Variants in GCNT1 observed in about 807,000 individuals in gnomAD.
GCNT1 encodes the protein beta-1,3-galactosyl-O-glycosyl-glycoprotein beta-1,6-N-acetylglucosaminyltransferase.
GCNT1 carries 16 observed loss-of-function variants against 26.2 expected under a neutral mutation model. That is an observed-to-expected ratio of 0.61 (90% CI 0.41 to 0.93). GCNT1 has a LOEUF of 0.93. Ranked by LOEUF, GCNT1 falls within the 40% of genes least tolerant of loss-of-function variation. GCNT1 has a pLI of 0.00. For synonymous variants in GCNT1, 183 were observed against 190.8 expected (o/e 0.96, Z 0.34); for missense variants, 477 against 526.7 (o/e 0.91, Z 0.92).
In GCNT1 at chr9:76,500,241, T is replaced by C. The variant is rs188934288; in HGVS notation, c.-289-675T>C. 2.8e-3 allele frequency among the ~76,000 whole-genome samples: 428 copies of C among 152,332 alleles called. 3 individuals are homozygous for C. In the Middle Eastern group the frequency reaches 0.031, roughly 11 times the overall value. ...GGGTTTGTTGTTTTTGTTATTTGTT[T>C]AGTGGCTTTCCTGGACCAGTTGTCT... On this transcript the variant is annotated intron_variant, in intron 2 of 3. Transcript: ENST00000376730.
intron 2 of GCNT1, among the ~76,000 whole-genome samples, chr9:76,472,211 AG>A (rs1358810598): frequency 6.6e-6 from 1 of 152,194 alleles, no homozygotes; most frequent in Non-Finnish European, 1.5e-5. Flanking sequence ...CGAACCCGGG[AG>A]GCGGAGGATG....
Position 76,503,215 on chromosome 9 carries a change from C to T in GCNT1, c.834C>T (p.Leu278=), listed in dbSNP as rs375124342. The change falls in exon 4 of 4, where the codon CTC becomes CTT. Residue 278 remains leucine (L), a synonymous_variant. Coordinates refer to ENST00000376730, the MANE Select transcript of GCNT1 (RefSeq NM_001490.5). The part of the protein sequence containing the change: ...NTGTVKMLPP[L]ETPLFSGSAY... ...GGACTGTCAAAATGCTTCCTCCACT[C>T]GAAACACCTCTCTTTTCTGGCAGTG... is the stretch of plus-strand genomic sequence containing the variant. 4.4e-5 allele frequency: 71 copies of T among 1,614,052 alleles called. No homozygotes were observed. In the East Asian group the frequency reaches 5.1e-4, roughly 12 times the overall value.
At chr9:76,446,331 G>A (rs544038171) in intron 1 of GCNT1, among the ~76,000 whole-genome samples, 1 of 152,278 alleles carries the variant, frequency 6.6e-6, no homozygotes, top group Admixed American at 6.5e-5. Context: ...AAGCTGATGG[G>A]AGCCAGCACA....
At chr9:76,461,783 G>A (rs1421385411) in intron 2 of GCNT1, among the ~76,000 whole-genome samples, 1 of 152,056 alleles carries the variant, frequency 6.6e-6, no homozygotes, top group Non-Finnish European at 1.5e-5. Context: ...TAGCTACTCA[G>A]GAGGCTGAGG....
chr9:76,441,239 G>A (rs368522413), upstream of GCNT1, among the ~76,000 whole-genome samples: 2 of 151,912 alleles, frequency 1.3e-5, no homozygotes, highest in African/African-American at 2.4e-5. Flanking sequence ...TCCGCCTCCC[G>A]GCCTCAAGCA....
chr9:76,456,778 G>T (rs1823764050), upstream of GCNT1, among the ~76,000 whole-genome samples: 1 of 152,148 alleles, frequency 6.6e-6, no homozygotes, highest in Non-Finnish European at 1.5e-5. Flanking sequence ...TTCAAACCCA[G>T]CCTGGGCAAC....
At chr9:76,428,586 C>T (rs1823292079) in intron 1 of GCNT1, among the ~76,000 whole-genome samples, 1 of 152,000 alleles carries the variant, frequency 6.6e-6, no homozygotes, top group African/African-American at 2.4e-5. Context: ...ATGGTATTTT[C>T]CTCCCACCAC....
intron 1 of GCNT1, among the ~76,000 whole-genome samples, chr9:76,454,116 C>T (rs1001714908): frequency 2.0e-5 from 3 of 151,986 alleles, no homozygotes; most frequent in African/African-American, 7.3e-5. Flanking sequence ...TGCGGTGGCT[C>T]ATGCCTGTAA....
In GCNT1 at chr9:76,504,990, T is replaced by A; in HGVS notation, c.*1322T>A. On this transcript the variant is annotated 3_prime_UTR_variant, in exon 4 of 4. Coordinates refer to ENST00000376730, the MANE Select transcript of GCNT1 (RefSeq NM_001490.5). The stretch of plus-strand genomic sequence containing the variant: ...CATCTTCACCATAAGACAGATAATT[T>A]GGGGTTGCTATAATGCTGTCACACA... 1 of 413,430 alleles carries A rather than the reference T, an allele frequency of 2.4e-6. No individual in the cohort carries two copies. Among genetic ancestry groups the A allele is most frequent in the East Asian group, 3.6e-5 (1 of 28,086 alleles). 25.6% of individuals were successfully genotyped at this position (413,430 alleles called of 1,614,324 possible).
At chr9:76,437,648 C>A (rs1302556535), upstream of GCNT1, among the ~76,000 whole-genome samples, 3 of 152,182 alleles carry the variant, frequency 2.0e-5, no homozygotes, top group Non-Finnish European at 4.4e-5. Context: ...TGGACTCGCC[C>A]TGAATTCTTT....
intron 1 of GCNT1, among the ~76,000 whole-genome samples, chr9:76,432,401 G>A (rs1823348337): frequency 6.6e-6 from 1 of 152,010 alleles, no homozygotes. Context: ...CAAATGCAGT[G>A]GTGTAATCAT....
At chr9:76,485,439 G>C (rs1460932091) in intron 2 of GCNT1, among the ~76,000 whole-genome samples, 1 of 152,158 alleles carries the variant, frequency 6.6e-6, no homozygotes, top group African/African-American at 2.4e-5. Flanking sequence ...CTCCCAAAGT[G>C]CTGGGAGGCC....
chr9:76,434,414 A>T (rs773963870), intron 1 of GCNT1, among the ~76,000 whole-genome samples: 1 of 152,188 alleles, frequency 6.6e-6, no homozygotes, highest in Non-Finnish European at 1.5e-5. Flanking sequence ...TTTCATGGAC[A>T]TTTATCACTC....
chr9:76,479,245 CCAGT>C (rs1169516082), intron 2 of GCNT1, among the ~76,000 whole-genome samples: 3 of 152,192 alleles, frequency 2.0e-5, no homozygotes, highest in African/African-American at 7.2e-5. Flanking sequence ...ATTTCTTAAT[CCAGT>C]CTATCATTGT....
chr9:76,469,719 C>T (rs1040613951), intron 2 of GCNT1, among the ~76,000 whole-genome samples: 3 of 152,216 alleles, frequency 2.0e-5, no homozygotes, highest in African/African-American at 7.2e-5. Flanking sequence ...TTGCCGCTCC[C>T]GATCGGGCTA....
chr9:76,400,466 A>G, the GCNT1 span, among the ~76,000 whole-genome samples: 5 of 152,164 alleles, frequency 3.3e-5, no homozygotes, highest in Non-Finnish European at 5.9e-5. Flanking sequence ...TCGTGCTGCT[A>G]TAACCTTTCA....
chr9:76,411,182 G>T, the GCNT1 span, among the ~76,000 whole-genome samples: 2 of 152,170 alleles, frequency 1.3e-5, 1 homozygote, highest in Admixed American at 1.3e-4. Flanking sequence ...TTAGACCATT[G>T]ATATTAAAGT....
upstream of GCNT1, among the ~76,000 whole-genome samples, chr9:76,439,223 C>CTTTTTTTTTTTTTTTTTTTTT (rs71499153): frequency 8.3e-6 from 1 of 120,128 alleles, no homozygotes; most frequent in Non-Finnish European, 1.7e-5. Flanking sequence ...TTTTCTTTTT[C>CTTTTTTTTTTTTTTTTTTTTT]TTTTTTTTTT....
At chr9:76,435,811 A>G (rs1823399334) in intron 1 of GCNT1, among the ~76,000 whole-genome samples, 1 of 152,206 alleles carries the variant, frequency 6.6e-6, no homozygotes, top group East Asian at 1.9e-4. Flanking sequence ...GGTCCATAAC[A>G]AAGACCATAA....
Sources: allele counts gnomAD v4.1 joint callset (sites outside exome capture counted in the v4.1 genomes callset), GRCh38; gene constraint gnomAD v4.1.1; transcripts MANE v1.5; gene names NCBI Gene and HGNC (gene_info 2026-07-23, HGNC 2026-07-21).